GRID1: variants seen among roughly 807,000 people sequenced by gnomAD.
GRID1 encodes the protein glutamate ionotropic receptor delta type subunit 1, also known as glutamate receptor ionotropic, delta-1.
In GRID1, 28 loss-of-function variants were observed where a neutral mutation model predicts 98.0. The ratio of observed to expected loss-of-function variants is 0.29; its 90% CI spans 0.21 to 0.39. The LOEUF is 0.39. GRID1 is among the 10% of genes least tolerant of loss of function. The probability of loss-of-function intolerance (pLI) is 1.00; values close to 1 mark genes in which losing one functional copy is unlikely to be tolerated. For missense variants in GRID1, 1,111 were observed against 1,340.5 expected, an observed-to-expected ratio of 0.83 and a Z score of 2.67; for synonymous variants, 553 against 538.5, an observed-to-expected ratio of 1.03 and a Z score of -0.37.
rs368514571 is a variant in GRID1 at position 85,856,146 on chromosome 10, G to A, written c.996C>T (p.Asn332=). 4.3e-5 allele frequency: 69 copies of A among 1,614,050 alleles called. No homozygotes were observed. The highest frequency in any genetic ancestry group is 5.3e-5 in the African/African-American group (4 of 74,940). Residue 332 remains asparagine (N), a synonymous_variant, in exon 7 of 16, where the codon AAC becomes AAT. Coordinates refer to ENST00000327946, the MANE Select transcript of GRID1 (RefSeq NM_017551.3). Reference sequence around the variant, plus strand: ...GGTCCTCCAGCTTCCTGTGAAAGGCGTTGGCCAGCATCAGAACACTGTCAT... The same window carrying A: ...GGTCCTCCAGCTTCCTGTGAAAGGCATTGGCCAGCATCAGAACACTGTCAT... The part of the protein sequence containing the change: ...YLYDSVLMLA[N]AFHRKLEDRK...
chr10:85,735,754 T>G (rs1002344719), intron 8 of GRID1, among the ~76,000 whole-genome samples: 1 of 151,040 alleles, frequency 6.6e-6, no homozygotes, highest in East Asian at 2.0e-4. Context: ...CAATTTCATA[T>G]AGAGAGCATT....
chr10:86,345,719 C>T (rs1848372121), intron 2 of GRID1, among the ~76,000 whole-genome samples: 1 of 152,100 alleles, frequency 6.6e-6, no homozygotes. Context: ...TGAGCCCCAG[C>T]GATGTCCCCT....
chr10:85,969,882 T>C (rs933018461), intron 4 of GRID1, among the ~76,000 whole-genome samples: 15 of 151,308 alleles, frequency 9.9e-5, no homozygotes, highest in African/African-American at 3.6e-4. Context: ...AGAAAAATAA[T>C]AGAGAAAATC....
rs566232302 is a variant in GRID1 at position 85,724,356 on chromosome 10, C to G, written c.1854G>C (p.Gln618His). The change falls in exon 11 of 16, where the codon CAG becomes CAC. Residue 618 changes from glutamine to histidine, a missense_variant. Physicochemically the swap from Gln to His is conservative, Grantham distance 24. Around this residue, in one of 3 missense-constraint regions of GRID1, gnomAD observed 762 missense variants for 869.1 expected, o/e 0.88. Coordinates refer to ENST00000327946, the MANE Select transcript of GRID1 (RefSeq NM_017551.3). ...ATCAGGAAACCAGAAAGGTACCTTG[C>G]TGTACGAAGGCTCCATAGACAATCC... ...AIWIVYGAFV[Q>H]QGGESSVNSM... is the part of the protein sequence containing the mutation. 1.9e-6 allele frequency: 3 copies of G among 1,610,982 alleles called. No individual in the cohort carries two copies. The South Asian group carries it at 3.3e-5, about 18-fold the overall frequency.
intron 12 of GRID1, among the ~76,000 whole-genome samples, chr10:85,678,464 G>A (rs1841170378): frequency 6.6e-6 from 1 of 152,302 alleles, no homozygotes. Flanking sequence ...TAACTGGGAA[G>A]AGTGGACTTC....
At chr10:86,314,591 C>T (rs1469903753) in intron 2 of GRID1, among the ~76,000 whole-genome samples, 1 of 152,194 alleles carries the variant, frequency 6.6e-6, no homozygotes, top group Non-Finnish European at 1.5e-5. Flanking sequence ...AATGGTGGCA[C>T]AGGTGCCCTT....
intron 3 of GRID1, among the ~76,000 whole-genome samples, chr10:86,175,898 G>A (rs547822308): frequency 3.3e-5 from 5 of 152,198 alleles, no homozygotes; most frequent in African/African-American, 4.8e-5. Context: ...TGGTAGAGAC[G>A]GGGTTTCTCC....
At chr10:86,116,433 G>A (rs1457228612) in intron 4 of GRID1, among the ~76,000 whole-genome samples, 2 of 152,154 alleles carry the variant, frequency 1.3e-5, no homozygotes, top group Non-Finnish European at 2.9e-5. Context: ...AGCACTCAGG[G>A]AGGAGCCCAG....
intron 6 of GRID1, among the ~76,000 whole-genome samples, chr10:85,863,060 C>T (rs1213065300): frequency 1.3e-5 from 2 of 152,216 alleles, no homozygotes; most frequent in Admixed American, 6.5e-5. Context: ...ACAACACCGG[C>T]TCTGGGCTCT....
At chr10:85,604,075 G>A (rs1195604957) in intron 15 of GRID1, among the ~76,000 whole-genome samples, 4 of 152,192 alleles carry the variant, frequency 2.6e-5, no homozygotes, top group Admixed American at 2.6e-4. Context: ...CTGACCAGAT[G>A]AGTGCATGAA....
intron 9 of GRID1, 81 bp from the exon 10 acceptor site, chr10:85,728,133 G>A: frequency 9.7e-7 from 1 of 1,025,720 alleles, no homozygotes; most frequent in South Asian, 1.3e-5. Context: ...TAGAGAGAAA[G>A]ATCTGATTAG....
intron 4 of GRID1, among the ~76,000 whole-genome samples, chr10:86,085,169 A>G (rs952902718): frequency 6.6e-6 from 1 of 152,228 alleles, no homozygotes; most frequent in Admixed American, 6.5e-5. Flanking sequence ...GGGAGGGCAG[A>G]GACACCTACC....
intron 8 of GRID1, among the ~76,000 whole-genome samples, chr10:85,818,544 C>T (rs1291260906): frequency 2.0e-5 from 3 of 152,098 alleles, no homozygotes; most frequent in African/African-American, 7.2e-5. Context: ...GCCAGAGCTC[C>T]TTGGAGACAT....
chr10:85,879,510 C>A (rs1840965815), intron 5 of GRID1, among the ~76,000 whole-genome samples: 1 of 152,154 alleles, frequency 6.6e-6, no homozygotes, highest in Non-Finnish European at 1.5e-5. Flanking sequence ...ACAACCTGCT[C>A]CTGAATGACT....
At chr10:86,145,186 A>G (rs1340869641) in intron 3 of GRID1, among the ~76,000 whole-genome samples, 1 of 152,226 alleles carries the variant, frequency 6.6e-6, no homozygotes, top group Non-Finnish European at 1.5e-5. Context: ...TGCACAAAAT[A>G]GACTCCAGAC....
At chr10:85,771,662 G>A (rs1276524825) in intron 8 of GRID1, among the ~76,000 whole-genome samples, 2 of 152,076 alleles carry the variant, frequency 1.3e-5, no homozygotes, top group African/African-American at 2.4e-5. Context: ...AAAAAGGCAG[G>A]GGTTGCAATC....
intron 3 of GRID1, among the ~76,000 whole-genome samples, chr10:86,165,198 A>T (rs1589394119): frequency 6.6e-6 from 1 of 152,188 alleles, no homozygotes; most frequent in East Asian, 1.9e-4. Context: ...CACATTTCCC[A>T]TGCTCCTTTA....
intron 8 of GRID1, among the ~76,000 whole-genome samples, chr10:85,846,738 TA>T (rs902921664): frequency 2.6e-5 from 4 of 152,220 alleles, no homozygotes; most frequent in African/African-American, 9.6e-5. Context: ...CAGTATTTTT[TA>T]AATTGTTTAC....
intron 4 of GRID1, among the ~76,000 whole-genome samples, chr10:85,920,545 C>T (rs915348000): frequency 6.6e-6 from 1 of 152,230 alleles, no homozygotes; most frequent in Non-Finnish European, 1.5e-5. Flanking sequence ...TCTCTGCCAT[C>T]ATGGATACAC....
Sources: gnomAD v4.1 joint callset for allele counts (sites outside exome capture counted in the v4.1 genomes callset) on GRCh38, gnomAD v4.1.1 for gene constraint, gnomAD v4.1.1 regional missense constraint, MANE v1.5 for transcripts, NCBI Gene and HGNC (gene_info 2026-07-23, HGNC 2026-07-21) for gene names.